LCLAT1: variants seen among roughly 807,000 people sequenced by gnomAD.
LCLAT1 encodes 1-AGP acyltransferase 8.
LCLAT1 carries 11 observed loss-of-function variants against 30.7 expected under a neutral mutation model. The observed-to-expected ratio is 0.36, with a 90% confidence interval of 0.23 to 0.59. LCLAT1 has a LOEUF of 0.59. Ranked by LOEUF, LCLAT1 falls within the 20% of genes least tolerant of loss-of-function variation. The pLI is 0.77. For synonymous variants in LCLAT1, 155 were observed against 151.3 expected, an observed-to-expected ratio of 1.02 and a Z score of -0.18; for missense variants, 402 against 458.6, an observed-to-expected ratio of 0.88 and a Z score of 1.13.
chr2:30,557,187 G>T (rs146786134), intron 3 of LCLAT1, among the ~76,000 whole-genome samples: 52 of 152,202 alleles, frequency 3.4e-4, no homozygotes, highest in African/African-American at 1.2e-3. Flanking sequence ...TTGCTACAGA[G>T]AATACAATGC....
intron 1 of LCLAT1, among the ~76,000 whole-genome samples, chr2:30,518,319 C>T (rs542298812): frequency 3.7e-4 from 57 of 152,112 alleles, no homozygotes; most frequent in African/African-American, 9.9e-4. Flanking sequence ...TAGTTCCTCC[C>T]GGGTGATTGA....
chr2:30,624,649 G>A (rs1366492680), intron 5 of LCLAT1, among the ~76,000 whole-genome samples: 1 of 152,144 alleles, frequency 6.6e-6, no homozygotes, highest in African/African-American at 2.4e-5. Context: ...GAATGAGATA[G>A]ATGGCAACAC....
intron 1 of LCLAT1, among the ~76,000 whole-genome samples, chr2:30,515,102 A>C (rs1404131991): frequency 3.3e-5 from 5 of 152,138 alleles, no homozygotes; most frequent in Non-Finnish European, 5.9e-5. Context: ...TTTCTGATTA[A>C]GCCATGCTGT....
intron 5 of LCLAT1, among the ~76,000 whole-genome samples, chr2:30,601,864 T>TAA (rs1667201039): frequency 4.4e-5 from 6 of 137,666 alleles, no homozygotes; most frequent in African/African-American, 7.7e-5. Flanking sequence ...AAGGATCCTA[T>TAA]AGATATCTAT....
chr2:30,632,871 A>G (rs1465030406), intron 5 of LCLAT1, among the ~76,000 whole-genome samples: 2 of 152,242 alleles, frequency 1.3e-5, no homozygotes, highest in Non-Finnish European at 2.9e-5. Flanking sequence ...CTTATGTAGA[A>G]GGGGAAATTA....
intron 5 of LCLAT1, among the ~76,000 whole-genome samples, chr2:30,625,634 G>C (rs536734864): frequency 9.1e-4 from 139 of 152,304 alleles, no homozygotes; most frequent in African/African-American, 3.2e-3. Context: ...AATAACATTA[G>C]ACTTTATATT....
intron 3 of LCLAT1, among the ~76,000 whole-genome samples, chr2:30,554,490 T>A (rs1664826426): frequency 6.6e-6 from 1 of 152,222 alleles, no homozygotes; most frequent in South Asian, 2.1e-4. Context: ...TCAGACTGCC[T>A]GTGTTTAAAA....
At chr2:30,586,262 ACC>A (rs1489556518) in intron 5 of LCLAT1, among the ~76,000 whole-genome samples, 20 of 149,078 alleles carry the variant, frequency 1.3e-4, no homozygotes, top group Admixed American at 4.7e-4. Flanking sequence ...AAAAAAAAAA[ACC>A]CAGTAGGAAT....
intron 5 of LCLAT1, among the ~76,000 whole-genome samples, chr2:30,586,834 A>G (rs1186803617): frequency 6.6e-6 from 1 of 152,126 alleles, no homozygotes; most frequent in African/African-American, 2.4e-5. Flanking sequence ...TTTAAAAAGG[A>G]AAAAAAGACT....
At chr2:30,635,751 A>G (rs11127282) in intron 5 of LCLAT1, among the ~76,000 whole-genome samples, 59,459 of 152,036 alleles carry the variant, frequency 0.39, 12,445 homozygotes, top group East Asian at 0.6. Flanking sequence ...AAAACTTACT[A>G]TGTGCCAAGT....
Position 30,637,626 on chromosome 2 carries a change from G to A in LCLAT1, c.629-2491G>A, listed in dbSNP as rs528884397. ...GAGTTTCACTCTTGTTGCCCAGGCT[G>A]GAGTGCATTGGCACGATCTCAGCTC... On this transcript the variant is annotated intron_variant, in intron 5 of 5. Coordinates refer to ENST00000379509, the MANE Select transcript of LCLAT1 (RefSeq NM_001002257.3). Among the ~76,000 whole-genome samples the A allele has an allele frequency of 2.0e-5, 3 of 152,232 alleles. No homozygotes were observed. The East Asian group carries it at 5.8e-4, about 29-fold the overall frequency.
intron 3 of LCLAT1, among the ~76,000 whole-genome samples, chr2:30,554,368 A>C (rs1664822040): frequency 6.6e-6 from 1 of 152,250 alleles, no homozygotes; most frequent in South Asian, 2.1e-4. Context: ...TGACAAATAA[A>C]TAATTCTCTA....
chr2:30,489,876 C>T (rs1417903209), intron 1 of LCLAT1, among the ~76,000 whole-genome samples: 1 of 152,212 alleles, frequency 6.6e-6, no homozygotes, highest in Admixed American at 6.5e-5. Context: ...TGGTTACGCT[C>T]TTAAACTTCA....
intron 3 of LCLAT1, among the ~76,000 whole-genome samples, chr2:30,534,025 C>G (rs937569432): frequency 6.6e-6 from 1 of 152,128 alleles, no homozygotes; most frequent in Non-Finnish European, 1.5e-5. Context: ...ACTATATCCT[C>G]CTGACAGCCT....
At chr2:30,606,011 A>G (rs1572688686) in intron 5 of LCLAT1, 4 of 1,295,954 alleles carry the variant, frequency 3.1e-6, no homozygotes, top group Middle Eastern at 2.1e-4. Context: ...CACTCTGTTG[A>G]TCAGGCAGGA....
intron 1 of LCLAT1, among the ~76,000 whole-genome samples, chr2:30,483,080 A>C (rs1194066429): frequency 1.3e-5 from 2 of 152,226 alleles, no homozygotes; most frequent in African/African-American, 4.8e-5. Flanking sequence ...TAGTTAATAC[A>C]AATGTAATAT....
chr2:30,528,945 A>G (rs1685864925), intron 2 of LCLAT1, among the ~76,000 whole-genome samples: 1 of 152,216 alleles, frequency 6.6e-6, no homozygotes, highest in Admixed American at 6.5e-5. Flanking sequence ...TGAAGGAAAC[A>G]GAGAAGAACC....
Position 30,600,066 on chromosome 2 carries a change from A to G in LCLAT1, c.628+31890A>G, listed in dbSNP as rs116122119. On this transcript the variant is annotated intron_variant, in intron 5 of 5. Coordinates refer to ENST00000379509, the MANE Select transcript of LCLAT1 (RefSeq NM_001002257.3). ...TGGTTGGTAACGGTTCTTCCCTTCCATGTTTAGTGCTTCCTTCAGGAGTTC... is the reference window on the plus strand; with the variant it reads ...TGGTTGGTAACGGTTCTTCCCTTCCGTGTTTAGTGCTTCCTTCAGGAGTTC... Among the ~76,000 whole-genome samples the G allele has an allele frequency of 5.0e-3, 756 of 152,202 alleles. 6 individuals are homozygous for G. Among genetic ancestry groups the G allele is most frequent in the African/African-American group, 0.018 (731 of 41,512 alleles).
intron 5 of LCLAT1, among the ~76,000 whole-genome samples, chr2:30,617,890 G>GT (rs1668070494): frequency 6.6e-6 from 1 of 152,046 alleles, no homozygotes. Flanking sequence ...TTAGATACAA[G>GT]TTATTTATAA....
Sources: gnomAD v4.1 joint callset for allele counts (sites outside exome capture counted in the v4.1 genomes callset) on GRCh38, gnomAD v4.1.1 for gene constraint, MANE v1.5 for transcripts, NCBI Gene and HGNC (gene_info 2026-07-23, HGNC 2026-07-21) for gene names.